Variants in SOX5 observed in about 807,000 individuals in gnomAD.
The protein encoded by SOX5 is SRY-box transcription factor 5.
SOX5 carries 9 observed loss-of-function variants against 92.0 expected under a neutral mutation model. The observed-to-expected ratio is 0.10, with a 90% CI of 0.06 to 0.17. SOX5 has a LOEUF of 0.17. Ranked by LOEUF, SOX5 falls within the 10% of genes least tolerant of loss-of-function variation. The pLI is 1.00. For missense variants in SOX5, 642 were observed against 944.5 expected, an observed-to-expected ratio of 0.68 and a Z score of 4.20; for synonymous variants, 344 against 336.3, an observed-to-expected ratio of 1.02 and a Z score of -0.25.
chr12:24,466,940 C>G (rs1944298802), intron 1 of SOX5, among the ~76,000 whole-genome samples: 1 of 152,180 alleles, frequency 6.6e-6, no homozygotes, highest in African/African-American at 2.4e-5. Flanking sequence ...TTAAAGAGCA[C>G]CAAAACAATT....
chr12:23,998,186 T>A (rs1372262476), intron 4 of SOX5, among the ~76,000 whole-genome samples: 2 of 152,186 alleles, frequency 1.3e-5, no homozygotes, highest in East Asian at 3.9e-4. Flanking sequence ...AACCATGTTT[T>A]AAGAATGACA....
rs1942704341 is a variant in SOX5, at chr12:23,936,953, G to A, written c.38+12611C>T. Among the ~76,000 whole-genome samples, 5 of 150,852 alleles carry A rather than the reference G, an allele frequency of 3.3e-5. No homozygotes were observed. In the South Asian group the frequency reaches 1.0e-3, roughly 31 times the overall value. On this transcript the variant is annotated intron_variant, in intron 1 of 14. Transcript: ENST00000451604. ...TCAAACTTTTAATAATGATATGTGA[G>A]TAGTAGCTACCATATTAGAAAGGAG... is the stretch of plus-strand genomic sequence containing the variant.
intron 1 of SOX5, among the ~76,000 whole-genome samples, chr12:24,540,687 G>A (rs1400643756): frequency 1.3e-5 from 2 of 152,148 alleles, no homozygotes; most frequent in African/African-American, 4.8e-5. Context: ...TTTCGAGAGA[G>A]GAAGTTTTTC....
At chr12:24,022,422 A>G (rs146989465) in intron 4 of SOX5, among the ~76,000 whole-genome samples, 10 of 152,282 alleles carry the variant, frequency 6.6e-5, no homozygotes, top group Non-Finnish European at 1.3e-4. Flanking sequence ...TAGAACAAAA[A>G]AGCAGCCTTG....
intron 3 of SOX5, among the ~76,000 whole-genome samples, chr12:24,239,346 A>T (rs1318125693): frequency 6.6e-6 from 1 of 152,272 alleles, no homozygotes; most frequent in Non-Finnish European, 1.5e-5. Context: ...CAAGGAATAA[A>T]GTAGAACTGC....
intron 6 of SOX5, among the ~76,000 whole-genome samples, chr12:23,685,216 CT>C (rs2087310360): frequency 6.6e-6 from 1 of 152,096 alleles, no homozygotes; most frequent in Non-Finnish European, 1.5e-5. Flanking sequence ...CTTCTACTCC[CT>C]TTCTTTGTTT....
chr12:23,543,157 A>G, intron 13 of SOX5, 54 bp downstream of exon 13: 2 of 1,481,302 alleles, frequency 1.4e-6, no homozygotes, highest in Non-Finnish European at 1.9e-6. Flanking sequence ...AACTGCAGAA[A>G]ACAGAACAGT....
At chr12:23,557,982 A>AAC (rs1235431910) in intron 11 of SOX5, among the ~76,000 whole-genome samples, 2 of 151,858 alleles carry the variant, frequency 1.3e-5, no homozygotes, top group African/African-American at 4.8e-5. Context: ...CCTCAAAAAA[A>AAC]AAAAAAAAAG....
At chr12:23,909,530 A>G (rs2097328730) in intron 1 of SOX5, among the ~76,000 whole-genome samples, 1 of 152,216 alleles carries the variant, frequency 6.6e-6, no homozygotes, top group Non-Finnish European at 1.5e-5. Flanking sequence ...TTAATCAAAT[A>G]AAAGCAAAAC....
At chr12:24,281,004 G>T (rs1271073900) in intron 2 of SOX5, among the ~76,000 whole-genome samples, 2 of 12,482 alleles carry the variant, frequency 1.6e-4, no homozygotes, top group African/African-American at 2.1e-4. Context: ...AGAGAGAGAG[G>T]AAAGAAAAAA....
intron 10 of SOX5, among the ~76,000 whole-genome samples, chr12:23,566,638 T>C (rs1947146376): frequency 6.6e-6 from 1 of 152,212 alleles, no homozygotes. Context: ...ACTTACTAGG[T>C]ATATAAATTA....
At chr12:23,875,706 C>G (rs1313855326) in intron 2 of SOX5, among the ~76,000 whole-genome samples, 1 of 152,114 alleles carries the variant, frequency 6.6e-6, no homozygotes, top group East Asian at 1.9e-4. Context: ...AAGTTTGAAG[C>G]AATGCTAGGT....
At chr12:24,221,687 G>C (rs1246433500) in intron 3 of SOX5, among the ~76,000 whole-genome samples, 3 of 152,220 alleles carry the variant, frequency 2.0e-5, no homozygotes, top group African/African-American at 4.8e-5. Flanking sequence ...GCAGCTTACA[G>C]TCTGGTGAGT....
intron 7 of SOX5, among the ~76,000 whole-genome samples, chr12:23,641,461 CA>C (rs1179054727): frequency 2.0e-5 from 3 of 151,762 alleles, no homozygotes; most frequent in African/African-American, 4.8e-5. Context: ...CTTTATTATC[CA>C]GGGATAAATG....
chr12:24,266,143 G>A (rs1258103824), intron 3 of SOX5, among the ~76,000 whole-genome samples: 1 of 150,890 alleles, frequency 6.6e-6, no homozygotes, highest in Non-Finnish European at 1.5e-5. Context: ...CGAACTCCTG[G>A]ACTCAAGTGA....
Position 23,823,535 on chromosome 12 carries a change from G to T in SOX5, c.481+22448C>A, listed in dbSNP as rs1459621824. ...GTGGGTAACCCTACTTTTCTCTCTGGCTGCCCTTACCATTTTTTCCTTCAT... is the reference window on the plus strand; with the variant it reads ...GTGGGTAACCCTACTTTTCTCTCTGTCTGCCCTTACCATTTTTTCCTTCAT... On this transcript the variant is annotated intron_variant, in intron 3 of 14. Transcript: ENST00000451604. 2.6e-5 allele frequency among the ~76,000 whole-genome samples: 4 copies of T among 152,196 alleles called. No individual in the cohort carries two copies. The East Asian group carries it at 7.7e-4, about 29-fold the overall frequency.
chr12:24,031,102 T>C (rs2136852070), intron 4 of SOX5, among the ~76,000 whole-genome samples: 1 of 151,872 alleles, frequency 6.6e-6, no homozygotes, highest in East Asian at 1.9e-4. Flanking sequence ...TGGGAATGTA[T>C]ATTGGAACAG....
chr12:23,631,062 G>A (rs1191824364), intron 8 of SOX5, among the ~76,000 whole-genome samples: 1 of 151,882 alleles, frequency 6.6e-6, no homozygotes, highest in Non-Finnish European at 1.5e-5. Flanking sequence ...GTATGTCCCA[G>A]TAGCATGCTT....
intron 4 of SOX5, among the ~76,000 whole-genome samples, chr12:23,995,286 G>T (rs1170622401): frequency 6.6e-6 from 1 of 151,950 alleles, no homozygotes; most frequent in Non-Finnish European, 1.5e-5. Context: ...AATACTGATG[G>T]GAAAAAGTGC....
Sources: allele counts gnomAD v4.1 joint callset (sites outside exome capture counted in the v4.1 genomes callset), GRCh38; gene constraint gnomAD v4.1.1; transcripts MANE v1.5; gene names NCBI Gene and HGNC (gene_info 2026-07-23, HGNC 2026-07-21).